TENM3: variants seen among roughly 807,000 people sequenced by gnomAD.
TENM3 encodes the protein teneurin transmembrane protein 3.
Under a neutral mutation model 255.1 loss-of-function variants are expected in TENM3, and 63 were observed. That is an observed-to-expected ratio of 0.25 (90% CI 0.20 to 0.30). TENM3 has a LOEUF of 0.30. Ranked by LOEUF, TENM3 falls within the 10% of genes least tolerant of loss-of-function variation. The pLI is 1.00. For missense variants in TENM3, 2,929 were observed against 3,461.1 expected, an observed-to-expected ratio of 0.85 and a Z score of 3.86; for synonymous variants, 1,306 against 1,322.3, an observed-to-expected ratio of 0.99 and a Z score of 0.27.
At chr4:182,044,973 G>A in the TENM3 span, among the ~76,000 whole-genome samples, 39 of 152,290 alleles carry the variant, frequency 2.6e-4, no homozygotes, top group African/African-American at 9.4e-4. Flanking sequence ...AACATCATAA[G>A]CCTCTCTGAT....
the TENM3 span, among the ~76,000 whole-genome samples, chr4:181,839,661 A>C: frequency 2.0e-5 from 3 of 150,994 alleles, no homozygotes; most frequent in Non-Finnish European, 3.0e-5. Flanking sequence ...TAGATCGAGA[A>C]GTTTGGGGGT....
chr4:182,100,782 T>C, the TENM3 span, among the ~76,000 whole-genome samples: 1 of 12,504 alleles, frequency 8.0e-5, no homozygotes, highest in Admixed American at 1.0e-3. Context: ...CACATATATA[T>C]ACACATATAT....
chr4:182,779,996 T>G lies in TENM3; in HGVS notation c.5304+4843T>G, dbSNP rs1159854425. ...GTAGGTTGCGAAAATTTTCTCCCAT[T>G]TTGTAGGTTGCCTGTTCACTCTGAT... is the stretch of plus-strand genomic sequence containing the variant. On this transcript the variant is annotated intron_variant, in intron 24 of 27. Transcript: ENST00000511685. 9.9e-3 allele frequency among the ~76,000 whole-genome samples: 1,498 copies of G among 150,642 alleles called. 18 individuals carry two copies. Among genetic ancestry groups the G allele is most frequent in the African/African-American group, 0.034 (1,397 of 41,080 alleles).
intron 1 of TENM3, among the ~76,000 whole-genome samples, chr4:182,189,002 G>A (rs573064426): frequency 2.6e-5 from 4 of 151,924 alleles, no homozygotes; most frequent in Admixed American, 6.6e-5. Flanking sequence ...TCAAAATATT[G>A]CGGCCTTTAA....
the TENM3 span, among the ~76,000 whole-genome samples, chr4:181,726,058 AT>A: frequency 1.3e-5 from 2 of 152,178 alleles, no homozygotes; most frequent in African/African-American, 2.4e-5. Flanking sequence ...AGAGAATTTG[AT>A]TTTTTTCAAA....
chr4:182,698,449 C>T (rs1757598411), intron 12 of TENM3, among the ~76,000 whole-genome samples: 1 of 152,206 alleles, frequency 6.6e-6, no homozygotes, highest in South Asian at 2.1e-4. Flanking sequence ...ATTAGAATTA[C>T]AACTGCAACT....
chr4:181,978,794 A>C, the TENM3 span, among the ~76,000 whole-genome samples: 3,996 of 151,696 alleles, frequency 0.026, 201 homozygotes, highest in African/African-American at 0.092. Context: ...CCATCTCACT[A>C]TCTGAAACTT....
At chr4:182,719,689 G>A (rs1561155629) in intron 13 of TENM3, among the ~76,000 whole-genome samples, 1 of 151,960 alleles carries the variant, frequency 6.6e-6, no homozygotes, top group Non-Finnish European at 1.5e-5. Context: ...AGTCAACTGA[G>A]GTTATTCAGA....
chr4:182,744,704 T>G (rs983877532), intron 19 of TENM3, among the ~76,000 whole-genome samples: 6 of 152,226 alleles, frequency 3.9e-5, no homozygotes, highest in Non-Finnish European at 8.8e-5. Flanking sequence ...TTCCCGTAAA[T>G]TCCTCTTTGC....
the TENM3 span, among the ~76,000 whole-genome samples, chr4:181,988,715 G>A: frequency 6.6e-6 from 1 of 151,886 alleles, no homozygotes; most frequent in Non-Finnish European, 1.5e-5. Flanking sequence ...TAAGTAATTT[G>A]CCCAAGGTCA....
chr4:182,292,097 T>C (rs1338960839), intron 1 of TENM3, among the ~76,000 whole-genome samples: 1 of 152,200 alleles, frequency 6.6e-6, no homozygotes. Flanking sequence ...TTCTGTTGTT[T>C]ATGGAACAAA....
intron 3 of TENM3, among the ~76,000 whole-genome samples, chr4:182,549,088 G>A (rs1470998343): frequency 3.3e-5 from 5 of 152,084 alleles, no homozygotes; most frequent in Admixed American, 2.0e-4. Context: ...TTTTAAAGTC[G>A]GCTCCAGATA....
chr4:182,196,956 G>C (rs887744888), intron 1 of TENM3, among the ~76,000 whole-genome samples: 1 of 152,046 alleles, frequency 6.6e-6, no homozygotes, highest in African/African-American at 2.4e-5. Context: ...CGGATGCCAA[G>C]GAGCTCAGGA....
At chr4:182,652,840 C>T (rs1249709656) in intron 5 of TENM3, among the ~76,000 whole-genome samples, 1 of 152,110 alleles carries the variant, frequency 6.6e-6, no homozygotes, top group Non-Finnish European at 1.5e-5. Flanking sequence ...ACTGGGTTTC[C>T]CTAAAAATAT....
At chr4:182,547,972 C>G (rs1270196143) in intron 3 of TENM3, among the ~76,000 whole-genome samples, 1 of 152,062 alleles carries the variant, frequency 6.6e-6, no homozygotes, top group African/African-American at 2.4e-5. Flanking sequence ...AGTCCCAGCA[C>G]TTTGGGAGGT....
chr4:181,451,643 G>T, the TENM3 span, among the ~76,000 whole-genome samples: 1 of 152,164 alleles, frequency 6.6e-6, no homozygotes, highest in Non-Finnish European at 1.5e-5. Context: ...AAAGAGAATG[G>T]ATTGGGTAGG....
At chr4:181,492,955 T>A in the TENM3 span, among the ~76,000 whole-genome samples, 3 of 152,126 alleles carry the variant, frequency 2.0e-5, no homozygotes, top group African/African-American at 7.2e-5. Context: ...TACCATTTGA[T>A]TAGTTCCAAG....
At chr4:181,515,451 C>G in the TENM3 span, among the ~76,000 whole-genome samples, 1 of 152,030 alleles carries the variant, frequency 6.6e-6, no homozygotes, top group African/African-American at 2.4e-5. Context: ...GCCACAAATA[C>G]CCAGGAAAGG....
chr4:182,703,291 C>T (rs1324848835), intron 12 of TENM3, among the ~76,000 whole-genome samples: 1 of 152,156 alleles, frequency 6.6e-6, no homozygotes, highest in African/African-American at 2.4e-5. Flanking sequence ...GATAACAGAA[C>T]TTGTAATTTG....
Sources: gnomAD v4.1 joint callset for allele counts (sites outside exome capture counted in the v4.1 genomes callset) on GRCh38, gnomAD v4.1.1 for gene constraint, MANE v1.5 for transcripts, NCBI Gene and HGNC (gene_info 2026-07-23, HGNC 2026-07-21) for gene names.